Variants in XKR9 observed in about 807,000 individuals in gnomAD.
The protein encoded by XKR9 is XK-related protein 9.
A neutral mutation model predicts 32.0 loss-of-function variants in XKR9; 32 were observed. The ratio of observed to expected loss-of-function variants is 1.00; its 90% CI spans 0.76 to 1.34. The LOEUF (loss-of-function observed/expected upper bound fraction) is 1.34, where lower values mean the gene tolerates loss of function less well. Ranked by LOEUF, XKR9 falls within the 40% of genes most tolerant of loss-of-function variation. XKR9 has a pLI of 0.00. For missense variants in XKR9, 546 were observed against 429.7 expected, an observed-to-expected ratio of 1.27 and a Z score of -2.39; for synonymous variants, 168 against 143.4, an observed-to-expected ratio of 1.17 and a Z score of -1.22.
At chr8:70,702,031 G>A (rs538482315) in intron 3 of XKR9, among the ~76,000 whole-genome samples, 4 of 152,164 alleles carry the variant, frequency 2.6e-5, no homozygotes, top group Admixed American at 1.3e-4. Context: ...TGAATATAAT[G>A]GGAGTTGAAT....
the XKR9 span, among the ~76,000 whole-genome samples, chr8:71,006,161 T>C: frequency 2.6e-5 from 4 of 152,248 alleles, no homozygotes; most frequent in African/African-American, 4.8e-5. Flanking sequence ...GAATTGTTAA[T>C]GCAAACCAGA....
the XKR9 span, among the ~76,000 whole-genome samples, chr8:71,010,432 C>T: frequency 6.6e-6 from 1 of 152,168 alleles, no homozygotes; most frequent in Admixed American, 6.5e-5. Context: ...AGAATGTTTG[C>T]AAAGCCTGTG....
intron 2 of XKR9, among the ~76,000 whole-genome samples, chr8:70,745,139 T>G (rs994589673): frequency 1.5e-5 from 2 of 134,362 alleles, no homozygotes; most frequent in Non-Finnish European, 3.4e-5. Context: ...CAACAAACAT[T>G]TTCTTATTGG....
At chr8:70,744,118 C>G (rs1202453229) in intron 2 of XKR9, among the ~76,000 whole-genome samples, 1 of 151,926 alleles carries the variant, frequency 6.6e-6, no homozygotes, top group Non-Finnish European at 1.5e-5. Flanking sequence ...CAAGACCACT[C>G]TGGTCAACAT....
At chr8:70,809,999 A>G in the XKR9 span, among the ~76,000 whole-genome samples, 13 of 152,324 alleles carry the variant, frequency 8.5e-5, no homozygotes, top group South Asian at 2.7e-3. Flanking sequence ...CAAATTCACC[A>G]AAGTTGAAAT....
chr8:70,755,519 A>G (rs1186737827), intron 2 of XKR9, among the ~76,000 whole-genome samples: 2 of 152,166 alleles, frequency 1.3e-5, no homozygotes, highest in Non-Finnish European at 2.9e-5. Context: ...CAAATGTCCA[A>G]CAATGATAGA....
the XKR9 span, among the ~76,000 whole-genome samples, chr8:70,838,192 A>G: frequency 1.3e-5 from 2 of 152,128 alleles, no homozygotes. Context: ...CAGATTTACT[A>G]AGTCCTTACT....
At chr8:70,688,283 C>A (rs1819377939) in intron 3 of XKR9, among the ~76,000 whole-genome samples, 1 of 152,066 alleles carries the variant, frequency 6.6e-6, no homozygotes. Flanking sequence ...TTTGATGTGA[C>A]AAAATATGGG....
At chr8:70,773,827 C>A (rs924518880) in intron 2 of XKR9, among the ~76,000 whole-genome samples, 1 of 152,042 alleles carries the variant, frequency 6.6e-6, no homozygotes, top group African/African-American at 2.4e-5. Flanking sequence ...GGAATGGACT[C>A]TTCATTTCTT....
intron 3 of XKR9, among the ~76,000 whole-genome samples, chr8:70,685,797 A>G (rs1477882838): frequency 2.1e-5 from 3 of 145,436 alleles, no homozygotes; most frequent in Admixed American, 2.0e-4. Context: ...TGATGAGTTA[A>G]TGGGTGCAGC....
chr8:70,931,057 T>G, the XKR9 span, among the ~76,000 whole-genome samples: 1 of 152,134 alleles, frequency 6.6e-6, no homozygotes, highest in East Asian at 1.9e-4. Flanking sequence ...ATATTTGAAT[T>G]TGGACTGAGA....
At chr8:70,955,289 G>C in the XKR9 span, among the ~76,000 whole-genome samples, 1 of 152,150 alleles carries the variant, frequency 6.6e-6, no homozygotes. Flanking sequence ...TGGTGTGGAA[G>C]GCCTTTGCTT....
At chr8:70,796,155 A>T in the XKR9 span, among the ~76,000 whole-genome samples, 1 of 151,700 alleles carries the variant, frequency 6.6e-6, no homozygotes, top group Middle Eastern at 3.2e-3. Context: ...AGATTATTTT[A>T]CCACACAGGT....
chr8:70,757,548 C>CATGTATGT (rs57117853), intron 2 of XKR9, among the ~76,000 whole-genome samples: 20,838 of 150,236 alleles, frequency 0.14, 1,910 homozygotes, highest in Admixed American at 0.29. Context: ...CTTCTTTCAT[C>CATGTATGT]ATGTATGTAT....
At chr8:70,806,873 C>T in the XKR9 span, among the ~76,000 whole-genome samples, 4 of 152,064 alleles carry the variant, frequency 2.6e-5, no homozygotes, top group African/African-American at 9.7e-5. Context: ...ATTTCCCCAA[C>T]CTAGCAAGAC....
chr8:70,989,427 T>G, the XKR9 span, among the ~76,000 whole-genome samples: 1 of 152,232 alleles, frequency 6.6e-6, no homozygotes, highest in African/African-American at 2.4e-5. Flanking sequence ...AATTACAAAA[T>G]ATTTTCAGTA....
At chr8:70,696,013 A>C (rs1217616716) in intron 3 of XKR9, among the ~76,000 whole-genome samples, 1 of 148,962 alleles carries the variant, frequency 6.7e-6, no homozygotes, top group Non-Finnish European at 1.5e-5. Flanking sequence ...TCCTTCGCCC[A>C]CTTTTTGATG....
At chr8:70,954,568 G>A in the XKR9 span, among the ~76,000 whole-genome samples, 2 of 152,164 alleles carry the variant, frequency 1.3e-5, no homozygotes, top group African/African-American at 4.8e-5. Context: ...TTAATAATTT[G>A]TAAAGTGGTC....
the XKR9 span, among the ~76,000 whole-genome samples, chr8:70,808,359 C>G: frequency 2.0e-5 from 3 of 152,280 alleles, no homozygotes; most frequent in East Asian, 5.8e-4. Context: ...GTCTACAGCT[C>G]CCAGCATGAG....
Sources: gnomAD v4.1 joint callset for allele counts (sites outside exome capture counted in the v4.1 genomes callset) on GRCh38, gnomAD v4.1.1 for gene constraint, MANE v1.5 for transcripts, NCBI Gene and HGNC (gene_info 2026-07-23, HGNC 2026-07-21) for gene names.